MARCHF8: variants seen among roughly 807,000 people sequenced by gnomAD.
The protein encoded by MARCHF8 is E3 ubiquitin-protein ligase MARCHF8.
MARCHF8 carries 40 observed loss-of-function variants against 51.6 expected under a neutral mutation model. The observed-to-expected ratio is 0.77, with a 90% CI of 0.60 to 1.01. The LOEUF (loss-of-function observed/expected upper bound fraction) is 1.01, where lower values mean the gene tolerates loss of function less well. Ranked by LOEUF, MARCHF8 falls within the 50% of genes least tolerant of loss-of-function variation. The probability of loss-of-function intolerance (pLI) is 0.00; values close to 1 mark genes in which losing one functional copy is unlikely to be tolerated. For synonymous variants in MARCHF8, 263 were observed against 280.3 expected (o/e 0.94, Z 0.62); for missense variants, 685 against 708.6 (o/e 0.97, Z 0.38).
intron 7 of MARCHF8, 79 bp downstream of exon 7, chr10:45,459,041 C>T (rs571521741): frequency 1.9e-6 from 3 of 1,572,106 alleles, no homozygotes; most frequent in South Asian, 2.3e-5. Context: ...TTTTGGCTAA[C>T]TGGAAAATCC....
intron 1 of MARCHF8, among the ~76,000 whole-genome samples, chr10:45,563,042 TC>T (rs140571548): frequency 0.072 from 10,886 of 151,682 alleles, 547 homozygotes; most frequent in Non-Finnish European, 0.1. Context: ...TCCCCTCCCT[TC>T]CAAGACAGAG....
chr10:45,507,954 G>A (rs1343309393), intron 2 of MARCHF8, among the ~76,000 whole-genome samples: 1 of 152,150 alleles, frequency 6.6e-6, no homozygotes, highest in Non-Finnish European at 1.5e-5. Context: ...GTAAGAGATT[G>A]TAAGATATCT....
At chr10:45,486,602 T>C (rs929855613) in intron 3 of MARCHF8, among the ~76,000 whole-genome samples, 1 of 152,026 alleles carries the variant, frequency 6.6e-6, no homozygotes, top group Non-Finnish European at 1.5e-5. Flanking sequence ...TAATGTATGG[T>C]TCTCCATTGT....
At chr10:45,472,508 G>A (rs2042710942) in intron 3 of MARCHF8, among the ~76,000 whole-genome samples, 1 of 152,118 alleles carries the variant, frequency 6.6e-6, no homozygotes, top group Admixed American at 6.5e-5. Context: ...TGTTTACACG[G>A]GTTCCATCTC....
rs960378926 is a variant in MARCHF8 at position 45,457,999 on chromosome 10, G to A, written c.*240C>T. 3 of 501,702 alleles carry A rather than the reference G, an allele frequency of 6.0e-6. No homozygotes were observed. The highest frequency in any genetic ancestry group is 7.7e-5 in the Admixed American group (2 of 26,106). 31.1% of individuals were successfully genotyped at this position (501,702 alleles called of 1,614,324 possible). A position where few individuals can be genotyped will look rare whatever the true frequency, so the allele number is the denominator to read the frequency against. ...AGGAACTCTGCTGGCTCCCCATGAT[G>A]TCATCATGGGGTCTTCCACTTTCCC... On this transcript the variant is annotated 3_prime_UTR_variant, in exon 8 of 8. Transcript: ENST00000453424.
intron 2 of MARCHF8, among the ~76,000 whole-genome samples, chr10:45,498,485 C>CTT (rs35238918): frequency 2.1e-4 from 31 of 148,342 alleles, no homozygotes; most frequent in South Asian, 1.1e-3. Context: ...TGTCAGAAGC[C>CTT]TTTTTTTTTT....
chr10:45,496,481 G>T (rs2133118696), intron 2 of MARCHF8, among the ~76,000 whole-genome samples: 1 of 152,078 alleles, frequency 6.6e-6, no homozygotes, highest in Admixed American at 6.5e-5. Flanking sequence ...ATGAAAGGTT[G>T]GCATAAGGAA....
chr10:45,534,402 T>C (rs1432454657), intron 1 of MARCHF8, among the ~76,000 whole-genome samples: 4 of 152,068 alleles, frequency 2.6e-5, no homozygotes, highest in East Asian at 1.9e-4. Context: ...AAAATAACAG[T>C]GTATGCATAA....
chr10:45,546,335 G>A (rs909603272), intron 1 of MARCHF8, among the ~76,000 whole-genome samples: 1 of 151,750 alleles, frequency 6.6e-6, no homozygotes, highest in South Asian at 2.1e-4. Context: ...TAATTTTTTT[G>A]TATTTTTAGT....
intron 1 of MARCHF8, among the ~76,000 whole-genome samples, chr10:45,541,214 T>C (rs1259681311): frequency 6.6e-6 from 1 of 152,118 alleles, no homozygotes; most frequent in African/African-American, 2.4e-5. Flanking sequence ...ATGTGGCACA[T>C]ATACACCATG....
chr10:45,560,726 G>A (rs986998150), intron 1 of MARCHF8, among the ~76,000 whole-genome samples: 6 of 152,170 alleles, frequency 3.9e-5, no homozygotes, highest in Admixed American at 6.5e-5. Flanking sequence ...ATCTGTCCTC[G>A]TGGGAAGAGT....
chr10:45,482,476 A>C (rs974511853), intron 3 of MARCHF8, among the ~76,000 whole-genome samples: 1 of 152,212 alleles, frequency 6.6e-6, no homozygotes, highest in Non-Finnish European at 1.5e-5. Flanking sequence ...GATACAGGCC[A>C]GGAGTGGTGG....
At position 45,457,489 on chromosome 10, in the gene MARCHF8, C is replaced by A. The variant is rs977610213; in HGVS notation, c.*750G>T. 6.6e-6 allele frequency: 1 copy of A among 152,448 alleles called. No individual in the cohort carries two copies. Among genetic ancestry groups the A allele is most frequent in the African/African-American group, 2.4e-5 (1 of 41,378 alleles). The allele number at this position is 152,448 out of a possible 1,614,324, so 9.4% of individuals were successfully genotyped here. On this transcript the variant is annotated 3_prime_UTR_variant, in exon 8 of 8. Transcript: ENST00000453424. ...AAAAGTCATGAGTCTGTTTTATGAA[C>A]AGAAAGAATGCCACGCTTCTTAGCA...
At chr10:45,559,006 T>C (rs972913413) in intron 1 of MARCHF8, among the ~76,000 whole-genome samples, 1 of 152,162 alleles carries the variant, frequency 6.6e-6, no homozygotes, top group Non-Finnish European at 1.5e-5. Context: ...AGTAAATACA[T>C]CTTTAAAGAA....
chr10:45,576,080 G>A (rs1465517140), intron 1 of MARCHF8, among the ~76,000 whole-genome samples: 1 of 152,246 alleles, frequency 6.6e-6, no homozygotes, highest in Non-Finnish European at 1.5e-5. Flanking sequence ...ACAGGGACAT[G>A]AGTGAAATTT....
At chr10:45,589,018 AAAG>A in intron 1 of MARCHF8, among the ~76,000 whole-genome samples, 1 of 150,644 alleles carries the variant, frequency 6.6e-6, no homozygotes, top group Non-Finnish European at 1.5e-5. Flanking sequence ...AAAAAAAAAA[AAAG>A]AATCCATATT....
chr10:45,572,760 C>T (rs1310858362), intron 1 of MARCHF8, among the ~76,000 whole-genome samples: 1 of 152,112 alleles, frequency 6.6e-6, no homozygotes, highest in Non-Finnish European at 1.5e-5. Context: ...ACTGACCCAT[C>T]TGACCTCTCC....
At chr10:45,557,737 A>C (rs910300096) in intron 1 of MARCHF8, among the ~76,000 whole-genome samples, 4 of 152,152 alleles carry the variant, frequency 2.6e-5, no homozygotes, top group Admixed American at 1.3e-4. Context: ...AGCTAAGAGG[A>C]GGCCACACGG....
At chr10:45,576,833 A>C (rs2044495025) in intron 1 of MARCHF8, among the ~76,000 whole-genome samples, 1 of 151,902 alleles carries the variant, frequency 6.6e-6, no homozygotes, top group South Asian at 2.1e-4. Context: ...ATCCCAGCTT[A>C]AAAGTCCCAG....
Sources: gnomAD v4.1 joint callset for allele counts (sites outside exome capture counted in the v4.1 genomes callset) on GRCh38, gnomAD v4.1.1 for gene constraint, MANE v1.5 for transcripts, NCBI Gene and HGNC (gene_info 2026-07-23, HGNC 2026-07-21) for gene names.